LRRFIP1: variants seen among roughly 807,000 people sequenced by gnomAD.
LRRFIP1 encodes the protein LRR binding FLII interacting protein 1.
A neutral mutation model predicts 104.4 loss-of-function variants in LRRFIP1; 62 were observed. The observed-to-expected ratio is 0.59, with a 90% CI of 0.48 to 0.73. The LOEUF is 0.73. LRRFIP1 is among the 30% of genes least tolerant of loss of function. The probability of loss-of-function intolerance (pLI) is 0.00; values close to 1 mark genes in which losing one functional copy is unlikely to be tolerated. For missense variants in LRRFIP1, 796 were observed against 824.5 expected (o/e 0.97, Z 0.42); for synonymous variants, 300 against 299.0 (o/e 1.00, Z -0.03).
chr2:237,735,030 T>C lies in LRRFIP1; in HGVS notation c.490-238T>C, dbSNP rs2095187809. 6.6e-6 allele frequency among the ~76,000 whole-genome samples: 1 copy of C among 152,228 alleles called. No homozygotes were observed. The highest frequency in any genetic ancestry group is 1.5e-5 in the Non-Finnish European group (1 of 68,032). ...TCCAAAGTAATAGATTTAAATGGTCTGTTGGAGATTACATTGCACACCTCC... is the reference window on the plus strand; with the variant it reads ...TCCAAAGTAATAGATTTAAATGGTCCGTTGGAGATTACATTGCACACCTCC... On this transcript the variant is annotated intron_variant, in intron 9 of 23. Transcript: ENST00000308482. This position sits in a 1 kb window ranked among gnomAD's most constrained non-coding sequence, Gnocchi z 4.6.
At chr2:237,633,567 C>T (rs1445784199) in intron 1 of LRRFIP1, among the ~76,000 whole-genome samples, 1 of 148,090 alleles carries the variant, frequency 6.8e-6, no homozygotes, top group African/African-American at 2.7e-5. Flanking sequence ...CCCCGTGAGC[C>T]CTGCCCGTCC....
chr2:237,773,304 G>A (rs1385358272), intron 22 of LRRFIP1, among the ~76,000 whole-genome samples: 2 of 152,178 alleles, frequency 1.3e-5, no homozygotes, highest in East Asian at 3.8e-4. Context: ...TTGGGAGGCT[G>A]AGATGGGTGG....
rs1473365712 is a variant in LRRFIP1, at chr2:237,649,536, A to T, written c.96+21796A>T. ...ACCAAGAGAGATTCTGTCTCAAAAA[A>T]AAAGAACACTGTGGTGTGAGAGGCA... On this transcript the variant is annotated intron_variant, in intron 1 of 23. Coordinates refer to ENST00000308482, the MANE Select transcript of LRRFIP1 (RefSeq NM_001137550.2). This position sits in a 1 kb window ranked among gnomAD's most constrained non-coding sequence, Gnocchi z 4.1. Among the ~76,000 whole-genome samples, 1 of 152,052 alleles carries T rather than the reference A, an allele frequency of 6.6e-6. No homozygotes were observed. Among genetic ancestry groups the T allele is most frequent in the East Asian group, 1.9e-4 (1 of 5,196 alleles).
intron 1 of LRRFIP1, among the ~76,000 whole-genome samples, chr2:237,643,565 C>T (rs2084375021): frequency 6.6e-6 from 1 of 152,238 alleles, no homozygotes; most frequent in African/African-American, 2.4e-5. Flanking sequence ...TCCCGCTGGG[C>T]GAAGCTGCTA....
At position 237,656,323 on chromosome 2, in the gene LRRFIP1, T is replaced by C. The variant is rs568633794; in HGVS notation, c.96+28583T>C. Among the ~76,000 whole-genome samples the C allele has an allele frequency of 2.5e-4, 38 of 152,356 alleles. 1 individual carries two copies. The South Asian group carries it at 7.0e-3, about 28-fold the overall frequency. On this transcript the variant is annotated intron_variant, in intron 1 of 23. Coordinates refer to ENST00000308482, the MANE Select transcript of LRRFIP1 (RefSeq NM_001137550.2). ...TTAAAGAAAATGTCAAAAGCTATTA[T>C]ACTGGGCAGGGGTAGGGCATGAGTT...
At chr2:237,714,332 G>T in intron 3 of LRRFIP1, 56 bp downstream of exon 3, 1 of 1,426,748 alleles carries the variant, frequency 7.0e-7, no homozygotes, top group Admixed American at 1.9e-5. Flanking sequence ...TCCTTGCCAA[G>T]GGCCTGGTCA....
At chr2:237,679,653 G>A (rs1006933375) in intron 1 of LRRFIP1, among the ~76,000 whole-genome samples, 2 of 152,182 alleles carry the variant, frequency 1.3e-5, no homozygotes, top group Non-Finnish European at 2.9e-5. Flanking sequence ...TTGTTGCCCA[G>A]GCTAGAGTGC....
At position 237,774,400 on chromosome 2, in the gene LRRFIP1, G is replaced by A; in HGVS notation, c.1750G>A (p.Ala584Thr). 6.2e-7 allele frequency: 1 copy of A among 1,613,822 alleles called. No individual in the cohort carries two copies. Among genetic ancestry groups the A allele is most frequent in the Non-Finnish European group, 8.5e-7 (1 of 1,179,806 alleles). The change falls in exon 23 of 24, where the codon GCT becomes ACT. Residue 584 changes from alanine to threonine, a missense_variant. Transcript: ENST00000308482. ...TCAAGTATCACGTTACAAATCAGCG[G>A]CTGAAAATGCAGAAAAAATAGAAGA... ...ESQVSRYKSA[A>T]ENAEKIEDEL...
intron 11 of LRRFIP1, among the ~76,000 whole-genome samples, chr2:237,742,943 T>G (rs2057313762): frequency 6.6e-6 from 1 of 151,926 alleles, no homozygotes; most frequent in Non-Finnish European, 1.5e-5. Context: ...GCTTGGGACA[T>G]CTAGCTGGGC....
intron 19 of LRRFIP1, chr2:237,765,589 CTT>C (rs776999085): frequency 1.0e-6 from 1 of 975,778 alleles, no homozygotes; most frequent in Non-Finnish European, 1.2e-6. Context: ...AGCTGAATCA[CTT>C]TTGGTATTTT....
At chr2:237,696,889 T>C (rs1254595067) in intron 1 of LRRFIP1, among the ~76,000 whole-genome samples, 3 of 152,242 alleles carry the variant, frequency 2.0e-5, no homozygotes, top group African/African-American at 7.2e-5. Context: ...AGGATTTCTT[T>C]TTACCAAAGC....
intron 5 of LRRFIP1, among the ~76,000 whole-genome samples, chr2:237,719,901 A>G (rs1245359585): frequency 1.4e-5 from 2 of 145,042 alleles, no homozygotes; most frequent in Admixed American, 1.4e-4. Context: ...GTGTATTTAT[A>G]TTACCCGTGA....
intron 1 of LRRFIP1, chr2:237,683,371 G>T (rs1157886911): frequency 6.6e-6 from 1 of 152,216 alleles, no homozygotes; most frequent in Non-Finnish European, 1.5e-5. Context: ...GGTCAGGAGT[G>T]GCTATTTGAT....
chr2:237,650,870 G>A (rs750838501), intron 1 of LRRFIP1, among the ~76,000 whole-genome samples: 1 of 152,176 alleles, frequency 6.6e-6, no homozygotes, highest in African/African-American at 2.4e-5. Context: ...TTTGACCTGT[G>A]CCAGTGTGGG....
chr2:237,764,107 G>C (rs767098138), intron 19 of LRRFIP1: 1 of 1,614,162 alleles, frequency 6.2e-7, no homozygotes, highest in East Asian at 2.2e-5. Flanking sequence ...GGAATGAGAA[G>C]GGCAAAAGCA....
chr2:237,680,443 T>A (rs191375469), intron 1 of LRRFIP1, among the ~76,000 whole-genome samples: 31 of 152,208 alleles, frequency 2.0e-4, no homozygotes, highest in African/African-American at 7.0e-4. Flanking sequence ...ACTATTTACA[T>A]AGCATTTACA....
At chr2:237,666,775 C>CTCTT (rs1553627271) in intron 1 of LRRFIP1, among the ~76,000 whole-genome samples, 2 of 65,250 alleles carry the variant, frequency 3.1e-5, no homozygotes, top group African/African-American at 4.7e-5. Context: ...CTCTCTTTCT[C>CTCTT]TCTGTCTCTT....
chr2:237,758,271 A>C (rs7563652), intron 17 of LRRFIP1, among the ~76,000 whole-genome samples: 4,740 of 151,862 alleles, frequency 0.031, 248 homozygotes, highest in African/African-American at 0.11. Context: ...CTTTAGGACC[A>C]CTTCATTTAT....
intron 15 of LRRFIP1, among the ~76,000 whole-genome samples, chr2:237,753,879 A>G (rs1244873765): frequency 6.6e-6 from 1 of 150,642 alleles, no homozygotes. Flanking sequence ...GTGTGTATGT[A>G]TGTATATATA....
Sources: gnomAD v4.1 joint callset for allele counts (sites outside exome capture counted in the v4.1 genomes callset) on GRCh38, gnomAD v4.1.1 for gene constraint, Gnocchi (gnomAD v3.1) non-coding constraint, MANE v1.5 for transcripts, NCBI Gene and HGNC (gene_info 2026-07-23, HGNC 2026-07-21) for gene names.